QSER1: variants seen among roughly 807,000 people sequenced by gnomAD.
QSER1 encodes the protein glutamine and serine rich 1.
A neutral mutation model predicts 158.5 loss-of-function variants in QSER1; 49 were observed. That is an observed-to-expected ratio of 0.31 (90% CI 0.25 to 0.39). The LOEUF (loss-of-function observed/expected upper bound fraction) is 0.39. Ranked by LOEUF, QSER1 falls within the 10% of genes least tolerant of loss-of-function variation. The pLI, the probability that QSER1 is intolerant of heterozygous loss-of-function variation, is 1.00. For synonymous variants in QSER1, 650 were observed against 715.5 expected (o/e 0.91, Z 1.46); for missense variants, 1,754 against 2,010.3 (o/e 0.87, Z 2.44).
chr11:32,949,335 T>C (rs1852386049), intron 4 of QSER1, among the ~76,000 whole-genome samples: 1 of 152,210 alleles, frequency 6.6e-6, no homozygotes, highest in Non-Finnish European at 1.5e-5. Context: ...GACATTGCTA[T>C]AACAAAGTCA....
Position 32,934,101 on chromosome 11 carries a change from A to G in QSER1, c.2843A>G (p.Asn948Ser), listed in dbSNP as rs1171792430. ...ACAAAGGGCCATTTTAGTGAAACAA[A>G]TCAACATGATTCAAAGAATCAGTTT... ...LTTKGHFSET[N>S]QHDSKNQFVS... is the part of the protein sequence containing the mutation. The change falls in exon 4 of 13, where the codon AAT becomes AGT. Residue 948 changes from asparagine (N) to serine (S), a missense_variant. Around this residue, in one of 2 missense-constraint regions of QSER1, gnomAD observed 1,707 missense variants for 1,919.6 expected, o/e 0.89. Coordinates refer to ENST00000650167, the MANE Select transcript of QSER1 (RefSeq NM_001076786.3). The G allele has an allele frequency of 6.2e-7, 1 of 1,614,042 alleles. No individual in the cohort carries two copies. Among genetic ancestry groups the G allele is most frequent in the South Asian group, 1.1e-5 (1 of 91,082 alleles).
intron 1 of QSER1, among the ~76,000 whole-genome samples, chr11:32,912,499 T>C (rs1478249376): frequency 2.0e-5 from 3 of 152,186 alleles, no homozygotes; most frequent in South Asian, 2.1e-4. Context: ...AGTGAACTTA[T>C]AGGGTCCCAT....
In QSER1 at chr11:32,932,774, A is replaced by T. The variant is rs771707282; in HGVS notation, c.1516A>T (p.Thr506Ser). 4.3e-6 allele frequency: 7 copies of T among 1,613,910 alleles called. No homozygotes were observed. Among genetic ancestry groups the T allele is most frequent in the African/African-American group, 2.7e-5 (2 of 74,908 alleles). Residue 506 changes from threonine to serine, a missense_variant, in exon 4 of 13, where the codon ACT (threonine) becomes TCT (serine). Coordinates refer to ENST00000650167, the MANE Select transcript of QSER1 (RefSeq NM_001076786.3). ...EKLPPLYKTL[T>S]FSGSSQTVTP... ...ATTGCCACCCTTGTATAAAACATTG[A>T]CTTTTTCTGGGTCATCTCAGACTGT...
chr11:32,957,508 T>A (rs544566576), intron 7 of QSER1, among the ~76,000 whole-genome samples: 12 of 152,278 alleles, frequency 7.9e-5, no homozygotes, highest in East Asian at 3.9e-4. Flanking sequence ...GAGCTAGATA[T>A]GGCAATTACG....
At chr11:32,895,411 A>T (rs1851542238) in intron 1 of QSER1, among the ~76,000 whole-genome samples, 1 of 152,120 alleles carries the variant, frequency 6.6e-6, no homozygotes, top group African/African-American at 2.4e-5. Context: ...TCTGAATTAT[A>T]CCTCATTTTA....
intron 4 of QSER1, 33 bp downstream of exon 4, chr11:32,935,468 A>C: frequency 7.1e-7 from 1 of 1,417,168 alleles, no homozygotes; most frequent in Non-Finnish European, 9.4e-7. Context: ...CATAATTATT[A>C]CTTTCTTCTA....
intron 1 of QSER1, among the ~76,000 whole-genome samples, chr11:32,899,673 ACT>A (rs751772397): frequency 1.3e-5 from 2 of 151,620 alleles, no homozygotes; most frequent in Admixed American, 6.6e-5. Context: ...AAAAAAAAAC[ACT>A]GTCTTGCCTC....
chr11:32,950,148 G>A (rs751918818), intron 4 of QSER1, among the ~76,000 whole-genome samples: 17 of 151,890 alleles, frequency 1.1e-4, no homozygotes, highest in Non-Finnish European at 2.2e-4. Context: ...AGACTGGAGT[G>A]CAGTGTTGCA....
intron 3 of QSER1, 114 bp from the exon 4 acceptor site, chr11:32,931,629 G>A (rs1658582757): frequency 1.3e-6 from 1 of 779,170 alleles, no homozygotes; most frequent in Non-Finnish European, 2.0e-6. Context: ...AACTGGTCAG[G>A]TTTTTCAGTC....
At chr11:32,902,793 T>C (rs749999532) in intron 1 of QSER1, among the ~76,000 whole-genome samples, 3 of 152,206 alleles carry the variant, frequency 2.0e-5, no homozygotes, top group Non-Finnish European at 4.4e-5. Flanking sequence ...GGCCTAATAA[T>C]TTTATAGTGT....
At chr11:32,965,829 T>C (rs1338180266) in intron 8 of QSER1, among the ~76,000 whole-genome samples, 1 of 152,030 alleles carries the variant, frequency 6.6e-6, no homozygotes, top group Non-Finnish European at 1.5e-5. Flanking sequence ...TAATCCCAGC[T>C]ACTCGGGAGG....
intron 1 of QSER1, among the ~76,000 whole-genome samples, chr11:32,920,040 C>T (rs1851881516): frequency 6.6e-6 from 1 of 152,060 alleles, no homozygotes; most frequent in South Asian, 2.1e-4. Context: ...ATTTCCTGCC[C>T]CAGTACTAGA....
At chr11:32,950,028 T>A (rs1852396543) in intron 4 of QSER1, among the ~76,000 whole-genome samples, 1 of 152,204 alleles carries the variant, frequency 6.6e-6, no homozygotes, top group Non-Finnish European at 1.5e-5. Flanking sequence ...GCTTTTGCAT[T>A]TTAGCCTATG....
intron 4 of QSER1, among the ~76,000 whole-genome samples, chr11:32,942,961 T>C (rs1177846710): frequency 6.6e-6 from 1 of 152,158 alleles, no homozygotes; most frequent in Admixed American, 6.6e-5. Context: ...CCCTTGTAAG[T>C]TGGATTCCTA....
At chr11:32,901,284 C>T (rs918756346) in intron 1 of QSER1, among the ~76,000 whole-genome samples, 25 of 152,110 alleles carry the variant, frequency 1.6e-4, no homozygotes, top group African/African-American at 6.0e-4. Context: ...TTATTGTCAG[C>T]ACTGAGAAAA....
chr11:32,933,505 A>G lies in QSER1; in HGVS notation c.2247A>G (p.Gln749=). Residue 749 remains glutamine (Q), a synonymous_variant, in exon 4 of 13, where the codon CAA becomes CAG. Transcript: ENST00000650167. ...VIRSNSRLED[Q]VIGVALQASK... ...GAAGTAATTCCCGTCTTGAAGATCA[A>G]GTTATTGGGGTTGCTCTGCAAGCAT... 1.2e-6 allele frequency: 2 copies of G among 1,612,402 alleles called. No individual in the cohort carries two copies. The highest frequency in any genetic ancestry group is 1.3e-5 in the African/African-American group (1 of 74,968).
intron 4 of QSER1, among the ~76,000 whole-genome samples, chr11:32,941,065 A>C (rs1852222955): frequency 2.0e-5 from 3 of 151,578 alleles, no homozygotes; most frequent in Non-Finnish European, 4.4e-5. Flanking sequence ...TTTGCACCAC[A>C]CTTTGACCAT....
chr11:32,968,987 G>A, intron 9 of QSER1, 59 bp from the exon 10 acceptor site: 1 of 950,446 alleles, frequency 1.1e-6, no homozygotes, highest in Non-Finnish European at 1.6e-6. Flanking sequence ...GAAAAAGTTG[G>A]ATTTTTTTCA....
intron 4 of QSER1, among the ~76,000 whole-genome samples, chr11:32,947,616 G>A (rs1440659326): frequency 6.6e-6 from 1 of 152,050 alleles, no homozygotes; most frequent in Admixed American, 6.6e-5. Flanking sequence ...TTATAGTAGG[G>A]TTTGTATTCT....
Sources: allele counts gnomAD v4.1 joint callset (sites outside exome capture counted in the v4.1 genomes callset), GRCh38; gene constraint gnomAD v4.1.1; regional missense constraint gnomAD v4.1.1; transcripts MANE v1.5; gene names NCBI Gene and HGNC (gene_info 2026-07-23, HGNC 2026-07-21).